The following DSCAM variants were observed in gnomAD, a reference collection of about 807,000 sequenced individuals.
The protein encoded by DSCAM is DS cell adhesion molecule.
In DSCAM, 47 loss-of-function variants were observed where a neutral mutation model predicts 217.7. The ratio of observed to expected loss-of-function variants is 0.22; its 90% CI spans 0.17 to 0.28. The LOEUF is 0.28. Among genes scored for constraint, DSCAM ranks in the 10% least tolerant of loss-of-function variants. The probability of loss-of-function intolerance (pLI) is 1.00; values close to 1 mark genes in which losing one functional copy is unlikely to be tolerated. For synonymous variants in DSCAM, 1,056 were observed against 1,015.3 expected (o/e 1.04, Z -0.76); for missense variants, 2,080 against 2,618.3 (o/e 0.79, Z 4.49).
At position 40,166,047 on chromosome 21, in the gene DSCAM, C is replaced by T. The variant is rs1014398242; in HGVS notation, c.3018+1171G>A. Among the ~76,000 whole-genome samples, 17 of 152,152 alleles carry T rather than the reference C, an allele frequency of 1.1e-4. 1 individual carries two copies. The highest frequency in any genetic ancestry group is 1.1e-3 in the Admixed American group (17 of 15,274). Reference sequence around the variant, plus strand: ...TGGCTGCGGTTGAGAAACGCTGACACAAAGGGGCTCGCTGCATTAACGCCC... The same window carrying T: ...TGGCTGCGGTTGAGAAACGCTGACATAAAGGGGCTCGCTGCATTAACGCCC... On this transcript the variant is annotated intron_variant, in intron 16 of 32. Coordinates refer to ENST00000400454, the MANE Select transcript of DSCAM (RefSeq NM_001389.5).
chr21:40,322,437 A>G (rs1329315224), intron 8 of DSCAM, among the ~76,000 whole-genome samples: 1 of 152,244 alleles, frequency 6.6e-6, no homozygotes, highest in Non-Finnish European at 1.5e-5. Flanking sequence ...TATGAACTAC[A>G]ACACAATACA....
At chr21:40,639,945 A>G (rs1196923898) in intron 3 of DSCAM, among the ~76,000 whole-genome samples, 1 of 152,166 alleles carries the variant, frequency 6.6e-6, no homozygotes, top group Non-Finnish European at 1.5e-5. Context: ...CGGGCTCCAT[A>G]TCGATTCATG....
intron 16 of DSCAM, among the ~76,000 whole-genome samples, chr21:40,164,290 G>C (rs1482258342): frequency 6.6e-6 from 1 of 152,084 alleles, no homozygotes; most frequent in Non-Finnish European, 1.5e-5. Context: ...AGGTAAGCAT[G>C]TTACAAACTG....
intron 1 of DSCAM, among the ~76,000 whole-genome samples, chr21:40,716,535 T>C (rs536135228): frequency 6.6e-6 from 1 of 152,290 alleles, no homozygotes; most frequent in South Asian, 2.1e-4. Flanking sequence ...CTTGGAGAAT[T>C]GTTTCTTCAG....
At chr21:40,423,380 A>G (rs934395077) in intron 3 of DSCAM, among the ~76,000 whole-genome samples, 6 of 152,190 alleles carry the variant, frequency 3.9e-5, no homozygotes, top group African/African-American at 1.4e-4. Flanking sequence ...ACATGTATGT[A>G]AACGGTGTTA....
rs2091589468 is a variant in DSCAM at position 40,785,903 on chromosome 21, T to TTTTTCC, written c.43+60715_43+60716insGGAAAA. 2.0e-5 allele frequency among the ~76,000 whole-genome samples: 3 copies of TTTTTCC among 152,212 alleles called. No homozygotes were observed. In the South Asian group the frequency reaches 6.2e-4, roughly 32 times the overall value. Reference sequence around the variant, plus strand: ...CCATCATCATTTTCCATTGAGATGGTATTTTTTCCCTAATGCTGATATGCA... The same window carrying TTTTTCC: ...CCATCATCATTTTCCATTGAGATGGTTTTTCCATTTTTTCCCTAATGCTGATATGCA... On this transcript the variant is annotated intron_variant, in intron 1 of 32. Coordinates refer to ENST00000400454, the MANE Select transcript of DSCAM (RefSeq NM_001389.5).
intron 2 of DSCAM, among the ~76,000 whole-genome samples, chr21:40,701,013 C>T (rs904528774): frequency 2.6e-5 from 4 of 152,136 alleles, no homozygotes; most frequent in South Asian, 2.1e-4. Context: ...GCTGGGATTA[C>T]AGGCATGAGC....
chr21:40,086,025 C>T (rs1004866048), intron 22 of DSCAM, among the ~76,000 whole-genome samples: 2 of 152,198 alleles, frequency 1.3e-5, no homozygotes, highest in Non-Finnish European at 2.9e-5. Flanking sequence ...TCAGTGGACT[C>T]CTCATCTGTG....
At chr21:40,037,451 A>G (rs997104435) in intron 32 of DSCAM, among the ~76,000 whole-genome samples, 10 of 143,330 alleles carry the variant, frequency 7.0e-5, no homozygotes, top group African/African-American at 2.7e-4. Flanking sequence ...TAGGAATCCA[A>G]CTTACAAGGG....
At chr21:40,434,798 G>A (rs1344539446) in intron 3 of DSCAM, among the ~76,000 whole-genome samples, 4 of 152,016 alleles carry the variant, frequency 2.6e-5, no homozygotes, top group East Asian at 1.9e-4. Context: ...AAAAACACCC[G>A]ATTAGACACT....
chr21:40,719,861 G>C (rs986862938), intron 1 of DSCAM, among the ~76,000 whole-genome samples: 3 of 152,170 alleles, frequency 2.0e-5, no homozygotes, highest in African/African-American at 7.2e-5. Context: ...TCTTTTTCTT[G>C]ATCTGGGTGC....
intron 3 of DSCAM, among the ~76,000 whole-genome samples, chr21:40,594,019 C>T (rs539069290): frequency 2.0e-5 from 3 of 152,304 alleles, no homozygotes; most frequent in African/African-American, 7.2e-5. Context: ...TAGGTCCATT[C>T]ATTTATCCCC....
At chr21:40,731,019 T>G (rs1481447618) in intron 1 of DSCAM, among the ~76,000 whole-genome samples, 2 of 152,204 alleles carry the variant, frequency 1.3e-5, no homozygotes, top group African/African-American at 2.4e-5. Flanking sequence ...ATAATTTACA[T>G]ATTTATTGTT....
chr21:40,175,770 A>AACACAC (rs1329501944), intron 15 of DSCAM, among the ~76,000 whole-genome samples: 2,505 of 126,378 alleles, frequency 0.02, 34 homozygotes, highest in Middle Eastern at 0.033. Flanking sequence ...ATATTTTCTC[A>AACACAC]ACACACACAT....
intron 11 of DSCAM, among the ~76,000 whole-genome samples, chr21:40,254,122 T>C (rs2073340647): frequency 6.6e-6 from 1 of 152,118 alleles, no homozygotes; most frequent in Non-Finnish European, 1.5e-5. Flanking sequence ...TGTCAGACAA[T>C]ATTGAAGGCT....
chr21:40,336,916 C>G (rs2074435023), intron 8 of DSCAM, among the ~76,000 whole-genome samples: 1 of 152,054 alleles, frequency 6.6e-6, no homozygotes, highest in Non-Finnish European at 1.5e-5. Context: ...CCAAATGAAC[C>G]TTTATGCAGC....
chr21:40,210,927 C>A (rs1175373254), intron 11 of DSCAM, among the ~76,000 whole-genome samples: 1 of 152,128 alleles, frequency 6.6e-6, no homozygotes, highest in African/African-American at 2.4e-5. Flanking sequence ...TTAACTTTAT[C>A]CCATTACAGG....
intron 11 of DSCAM, among the ~76,000 whole-genome samples, chr21:40,241,235 T>C (rs2073148465): frequency 6.6e-6 from 1 of 152,134 alleles, no homozygotes; most frequent in African/African-American, 2.4e-5. Context: ...TTGAAAACTA[T>C]GCAACTGACA....
At chr21:40,096,307 T>C (rs996022492) in intron 20 of DSCAM, among the ~76,000 whole-genome samples, 2 of 152,164 alleles carry the variant, frequency 1.3e-5, no homozygotes, top group Admixed American at 6.5e-5. Flanking sequence ...AATTGGTTGA[T>C]GTCTCATGTC....
Sources: allele counts gnomAD v4.1 joint callset (sites outside exome capture counted in the v4.1 genomes callset), GRCh38; gene constraint gnomAD v4.1.1; transcripts MANE v1.5; gene names NCBI Gene and HGNC (gene_info 2026-07-23, HGNC 2026-07-21).